DOCK8: variants seen among roughly 807,000 people sequenced by gnomAD.
DOCK8 encodes dedicator of cytokinesis 8.
Under a neutral mutation model 245.6 loss-of-function variants are expected in DOCK8, and 141 were observed. The observed-to-expected ratio is 0.57, with a 90% confidence interval of 0.50 to 0.66. DOCK8 has a LOEUF of 0.66. DOCK8 is among the 30% of genes least tolerant of loss of function. DOCK8 has a pLI of 0.00. For missense variants in DOCK8, 2,965 were observed against 2,603.4 expected, an observed-to-expected ratio of 1.14 and a Z score of -3.02; for synonymous variants, 1,168 against 970.2, an observed-to-expected ratio of 1.20 and a Z score of -3.79.
chr9:235,273 A>C (rs531382316), intron 1 of DOCK8, among the ~76,000 whole-genome samples: 96 of 152,218 alleles, frequency 6.3e-4, no homozygotes, highest in African/African-American at 2.1e-3. Flanking sequence ...GTGTCAGAGG[A>C]GTACCTGGCT....
intron 25 of DOCK8, among the ~76,000 whole-genome samples, chr9:398,114 G>C (rs1302933959): frequency 2.6e-5 from 4 of 152,212 alleles, no homozygotes; most frequent in Non-Finnish European, 5.9e-5. Context: ...TGTTGGAACA[G>C]CATGGTATCT....
At position 390,630 on chromosome 9, in the gene DOCK8, A is replaced by G. The variant is rs1012900084; in HGVS notation, c.2970+64A>G. 4.6e-6 allele frequency: 7 copies of G among 1,531,994 alleles called. No individual in the cohort carries two copies. The Admixed American group carries it at 1.0e-4, about 22-fold the overall frequency. 94.9% of individuals were successfully genotyped at this position (1,531,994 alleles called of 1,614,324 possible). ...CAAGAGAAGCACACAGCAGAAAGGA[A>G]TTGACATTTTGTTCACTGAGTTGCC... On this transcript the variant is annotated intron_variant, in intron 24 of 47. Transcript: ENST00000432829.
intron 7 of DOCK8, among the ~76,000 whole-genome samples, chr9:322,884 G>C (rs1190258796): frequency 6.6e-6 from 1 of 152,074 alleles, no homozygotes; most frequent in African/African-American, 2.4e-5. Flanking sequence ...CCTGAGCTCA[G>C]GAGTTTGAGA....
At chr9:306,797 T>C (rs2049851907) in intron 5 of DOCK8, among the ~76,000 whole-genome samples, 1 of 152,172 alleles carries the variant, frequency 6.6e-6, no homozygotes, top group African/African-American at 2.4e-5. Flanking sequence ...ATTTGAGGAC[T>C]GCAGGTCTAG....
intron 33 of DOCK8, among the ~76,000 whole-genome samples, chr9:425,352 G>T (rs895936414): frequency 6.6e-6 from 1 of 152,004 alleles, no homozygotes; most frequent in African/African-American, 2.4e-5. Flanking sequence ...CTAACGCGGC[G>T]AAACCCCGTC....
At chr9:250,962 C>CT (rs774167438) in intron 1 of DOCK8, among the ~76,000 whole-genome samples, 4 of 152,152 alleles carry the variant, frequency 2.6e-5, no homozygotes, top group Non-Finnish European at 5.9e-5. Flanking sequence ...AGAGAATGAG[C>CT]TTGAGGAAGG....
At chr9:354,054 G>A (rs1237594939) in intron 14 of DOCK8, among the ~76,000 whole-genome samples, 5 of 152,060 alleles carry the variant, frequency 3.3e-5, no homozygotes, top group African/African-American at 7.3e-5. Context: ...TTTTGTGGCC[G>A]GGCACGGTGG....
At chr9:382,369 A>T (rs1209097631) in intron 21 of DOCK8, 144 bp from the exon 22 acceptor site, 2 of 1,151,678 alleles carry the variant, frequency 1.7e-6, no homozygotes, top group East Asian at 2.4e-5. Flanking sequence ...TCCTACCCCA[A>T]CCAGGATTTG....
chr9:455,012 T>C (rs2057589644), intron 46 of DOCK8, among the ~76,000 whole-genome samples: 1 of 152,190 alleles, frequency 6.6e-6, no homozygotes, highest in African/African-American at 2.4e-5. Context: ...CCTACAGAAA[T>C]GTTGGATTTT....
Position 368,091 on chromosome 9 carries a change from A to G in DOCK8, c.1753A>G (p.Lys585Glu). ...KLASARNITI[K>E]IQFMCGEDAS... Reference sequence around the variant, plus strand: ...AGCATCAGCCCGGAACATTACAATAAAGATCCAGTTTATGTGTGGAGAAGA... The same window carrying G: ...AGCATCAGCCCGGAACATTACAATAGAGATCCAGTTTATGTGTGGAGAAGA... The change falls in exon 15 of 48, where the codon AAG becomes GAG. Residue 585 changes from lysine to glutamate, a missense_variant. By Grantham distance (56) the Lys-to-Glu change is moderately conservative. This residue lies in a region of DOCK8 where 2,825 missense variants were observed against 2,453.5 expected (regional missense o/e 1.15). Transcript: ENST00000432829. 1 of 1,614,216 alleles carries G rather than the reference A, an allele frequency of 6.2e-7. No individual in the cohort carries two copies. Among genetic ancestry groups the G allele is most frequent in the Non-Finnish European group, 8.5e-7 (1 of 1,180,022 alleles).
intron 32 of DOCK8, 130 bp from the exon 33 acceptor site, chr9:421,918 A>G: frequency 1.2e-6 from 1 of 811,002 alleles, no homozygotes; most frequent in South Asian, 1.5e-5. Flanking sequence ...TCCTACCAGC[A>G]ACCTGCATGG....
At chr9:218,828 AC>A (rs1341501486) in intron 1 of DOCK8, among the ~76,000 whole-genome samples, 1 of 152,226 alleles carries the variant, frequency 6.6e-6, no homozygotes, top group African/African-American at 2.4e-5. Context: ...ATAATGGCTT[AC>A]ACTTCTAGAA....
At chr9:334,858 G>A (rs1034204116) in intron 11 of DOCK8, among the ~76,000 whole-genome samples, 1 of 152,128 alleles carries the variant, frequency 6.6e-6, no homozygotes, top group African/African-American at 2.4e-5. Flanking sequence ...GAGGTAGGCG[G>A]ATCGCTTGAA....
intron 9 of DOCK8, among the ~76,000 whole-genome samples, chr9:331,853 G>A (rs12554957): frequency 0.024 from 3,669 of 152,268 alleles, 50 homozygotes; most frequent in Middle Eastern, 0.061. Context: ...AATTAGCCCT[G>A]ATAGGAATTA....
intron 22 of DOCK8, among the ~76,000 whole-genome samples, chr9:384,744 G>A (rs1021231548): frequency 4.9e-4 from 75 of 152,082 alleles, no homozygotes; most frequent in African/African-American, 1.6e-3. Flanking sequence ...GTGAAACCCC[G>A]TCTCTACTAA....
intron 4 of DOCK8, among the ~76,000 whole-genome samples, chr9:299,997 G>A (rs1199735821): frequency 2.0e-5 from 3 of 146,794 alleles, no homozygotes; most frequent in Non-Finnish European, 4.5e-5. Flanking sequence ...ACTCCAGCCT[G>A]GGCGACAGTG....
intron 7 of DOCK8, among the ~76,000 whole-genome samples, chr9:323,057 C>T (rs2050590643): frequency 6.8e-6 from 1 of 146,822 alleles, no homozygotes; most frequent in African/African-American, 2.6e-5. Context: ...TGCACCATTG[C>T]ACTCCACCCT....
At chr9:410,292 CTTA>C (rs1554696709) in intron 28 of DOCK8, among the ~76,000 whole-genome samples, 2 of 152,124 alleles carry the variant, frequency 1.3e-5, no homozygotes, top group African/African-American at 2.4e-5. Flanking sequence ...TATTCTGACT[CTTA>C]TTATTAGAAA....
intron 30 of DOCK8, 54 bp from the exon 31 acceptor site, chr9:420,347 T>G: frequency 6.2e-7 from 1 of 1,604,966 alleles, no homozygotes; most frequent in Non-Finnish European, 8.5e-7. Flanking sequence ...CCTCAAATTT[T>G]TCTGTTGCTT....
Sources: allele counts gnomAD v4.1 joint callset (sites outside exome capture counted in the v4.1 genomes callset), GRCh38; gene constraint gnomAD v4.1.1; regional missense constraint gnomAD v4.1.1; transcripts MANE v1.5; gene names NCBI Gene and HGNC (gene_info 2026-07-23, HGNC 2026-07-21).